TTC29: variants seen among roughly 807,000 people sequenced by gnomAD.
The protein encoded by TTC29 is tetratricopeptide repeat domain 29.
In TTC29, 49 loss-of-function variants were observed where a neutral mutation model predicts 58.1. The ratio of observed to expected loss-of-function variants is 0.84; its 90% CI spans 0.67 to 1.07. TTC29 has a LOEUF of 1.07. TTC29 is among the 50% of genes least tolerant of loss of function. The pLI, the probability that TTC29 is intolerant of heterozygous loss-of-function variation, is 0.00. For synonymous variants in TTC29, 209 were observed against 196.8 expected (o/e 1.06, Z -0.52); for missense variants, 582 against 555.6 (o/e 1.05, Z -0.48).
At chr4:146,890,321 A>G (rs1732266207) in intron 6 of TTC29, among the ~76,000 whole-genome samples, 1 of 152,190 alleles carries the variant, frequency 6.6e-6, no homozygotes, top group African/African-American at 2.4e-5. Context: ...CTAAACTGAG[A>G]AAACAAAAGT....
intron 6 of TTC29, among the ~76,000 whole-genome samples, chr4:146,890,927 G>A (rs183599933): frequency 1.3e-5 from 2 of 152,110 alleles, no homozygotes; most frequent in African/African-American, 4.8e-5. Context: ...CCTTTAACTA[G>A]TGGGGGAGCT....
intron 6 of TTC29, among the ~76,000 whole-genome samples, chr4:146,901,450 T>C (rs890180924): frequency 6.6e-6 from 1 of 152,090 alleles, no homozygotes; most frequent in Non-Finnish European, 1.5e-5. Flanking sequence ...GTATTTGGAG[T>C]TTCCTGTATT....
rs1553942405 is a variant in TTC29 at position 146,930,118 on chromosome 4, T to TACAC, written c.176+7472_176+7475dup. Among the ~76,000 whole-genome samples, 27 of 128,886 alleles carry TACAC rather than the reference T, an allele frequency of 2.1e-4. 1 individual carries two copies. The East Asian group carries it at 3.6e-3, about 17-fold the overall frequency. The allele number at this position is 128,886 out of a possible 152,430, so 84.6% of individuals were successfully genotyped here. ...ATATATATATATATATATATATATA[T>TACAC]ACACACATATATATCTTGATAAGTT... is the stretch of plus-strand genomic sequence containing the variant. On this transcript the variant is annotated intron_variant, in intron 4 of 12. Coordinates refer to ENST00000325106, the MANE Select transcript of TTC29 (RefSeq NM_031956.4).
intron 11 of TTC29, among the ~76,000 whole-genome samples, chr4:146,720,044 C>T (rs952055361): frequency 2.0e-5 from 3 of 151,992 alleles, no homozygotes; most frequent in Non-Finnish European, 4.4e-5. Context: ...AAGATTTTGT[C>T]CCTAGATGAA....
intron 11 of TTC29, among the ~76,000 whole-genome samples, chr4:146,764,673 G>A (rs917868360): frequency 3.3e-5 from 5 of 151,892 alleles, no homozygotes; most frequent in African/African-American, 4.8e-5. Context: ...CTATTTCATC[G>A]CTTGTACTTG....
chr4:146,832,688 C>T (rs9799456), intron 9 of TTC29, among the ~76,000 whole-genome samples: 1 of 151,800 alleles, frequency 6.6e-6, no homozygotes, highest in African/African-American at 2.4e-5. Context: ...GAGGGGGCTT[C>T]ACCATGTTGG....
intron 6 of TTC29, among the ~76,000 whole-genome samples, chr4:146,886,507 C>T (rs1307467433): frequency 5.3e-5 from 8 of 152,104 alleles, no homozygotes; most frequent in Non-Finnish European, 1.2e-4. Flanking sequence ...GCTGGACCCA[C>T]TGATAGAATG....
chr4:146,789,880 C>T (rs1053061885), intron 11 of TTC29, among the ~76,000 whole-genome samples: 4 of 152,138 alleles, frequency 2.6e-5, no homozygotes, highest in African/African-American at 9.7e-5. Flanking sequence ...GTTCTCTTCT[C>T]AGACCTCAGT....
intron 9 of TTC29, among the ~76,000 whole-genome samples, chr4:146,824,572 G>A (rs894960351): frequency 6.7e-6 from 1 of 149,942 alleles, no homozygotes; most frequent in Non-Finnish European, 1.5e-5. Context: ...CTTTTTTTTT[G>A]TGGTGTCTTT....
intron 8 of TTC29, among the ~76,000 whole-genome samples, chr4:146,836,647 T>C (rs1579795408): frequency 6.6e-6 from 1 of 152,070 alleles, no homozygotes; most frequent in East Asian, 1.9e-4. Flanking sequence ...GATGTTTTAA[T>C]TTACAAGAAA....
chr4:146,895,553 T>C (rs896925535), intron 6 of TTC29, among the ~76,000 whole-genome samples: 2 of 152,148 alleles, frequency 1.3e-5, no homozygotes, highest in Non-Finnish European at 2.9e-5. Flanking sequence ...AGGAGGGTGA[T>C]CTTTGAACTC....
chr4:146,719,859 T>C lies in TTC29; in HGVS notation c.1331-12308A>G, dbSNP rs572252876. Among the ~76,000 whole-genome samples, 127 of 152,294 alleles carry C rather than the reference T, an allele frequency of 8.3e-4. 1 individual carries two copies. The highest frequency in any genetic ancestry group is 1.6e-3 in the Non-Finnish European group (107 of 68,004). ...AAAGAAAAAAAAAGCAATTTATTCA[T>C]GTTTTCATTGGAGCTCACTGCAGTC... On this transcript the variant is annotated intron_variant, in intron 11 of 12. Coordinates refer to ENST00000325106, the MANE Select transcript of TTC29 (RefSeq NM_031956.4).
intron 6 of TTC29, among the ~76,000 whole-genome samples, chr4:146,878,616 A>T (rs2150229249): frequency 6.6e-6 from 1 of 152,310 alleles, no homozygotes; most frequent in Non-Finnish European, 1.5e-5. Flanking sequence ...GATACTAGTC[A>T]ACAGATCGAG....
At chr4:146,725,780 A>C (rs1223727614) in intron 11 of TTC29, among the ~76,000 whole-genome samples, 2 of 152,200 alleles carry the variant, frequency 1.3e-5, no homozygotes, top group African/African-American at 4.8e-5. Context: ...TAAAGTGTTG[A>C]TTTGCTCCAA....
At chr4:146,760,754 G>GTATATATA (rs35281359) in intron 11 of TTC29, among the ~76,000 whole-genome samples, 1 of 117,256 alleles carries the variant, frequency 8.5e-6, no homozygotes, top group African/African-American at 3.5e-5. Flanking sequence ...ATATATATGT[G>GTATATATA]TATATATATA....
intron 11 of TTC29, among the ~76,000 whole-genome samples, chr4:146,717,106 C>T (rs1404430540): frequency 6.6e-6 from 1 of 152,136 alleles, no homozygotes; most frequent in African/African-American, 2.4e-5. Flanking sequence ...TTATATTTAA[C>T]TATGTAGAGT....
At chr4:146,934,660 C>T (rs1203926782) in intron 4 of TTC29, among the ~76,000 whole-genome samples, 1 of 150,324 alleles carries the variant, frequency 6.7e-6, no homozygotes, top group Non-Finnish European at 1.5e-5. Context: ...CACCTCACCA[C>T]TGAGAGTTTG....
chr4:146,833,847 A>T lies in TTC29; in HGVS notation c.936T>A (p.Ser312Arg). Residue 312 changes from serine to arginine, a missense_variant, in exon 9 of 13, where the codon AGT becomes AGA. Ser to Arg is a moderately radical substitution (Grantham distance 110). Transcript: ENST00000325106. ...KISTDLDDDL[S>R]LGRGYEAIAK... Reference sequence around the variant, plus strand: ...CTATGGCTTCATAGCCTCTCCCCAGACTGAGATCATCATCCAGGTCTGTGG... The same window carrying T: ...CTATGGCTTCATAGCCTCTCCCCAGTCTGAGATCATCATCCAGGTCTGTGG... 6.2e-7 allele frequency: 1 copy of T among 1,613,364 alleles called. No individual in the cohort carries two copies. Among genetic ancestry groups the T allele is most frequent in the East Asian group, 2.2e-5 (1 of 44,816 alleles).
intron 6 of TTC29, among the ~76,000 whole-genome samples, chr4:146,902,293 C>T (rs1342327206): frequency 2.6e-5 from 4 of 152,040 alleles, no homozygotes; most frequent in Non-Finnish European, 5.9e-5. Context: ...CTTCCCACTG[C>T]AGTTTCCCAG....
Sources: gnomAD v4.1 joint callset for allele counts (sites outside exome capture counted in the v4.1 genomes callset) on GRCh38, gnomAD v4.1.1 for gene constraint, MANE v1.5 for transcripts, NCBI Gene and HGNC (gene_info 2026-07-23, HGNC 2026-07-21) for gene names.